PCDHA1: variants seen among roughly 807,000 people sequenced by gnomAD.
The protein encoded by PCDHA1 is protocadherin alpha 1, also known as protocadherin alpha-1.
PCDHA1 carries 42 observed loss-of-function variants against 61.3 expected under a neutral mutation model. That is an observed-to-expected ratio of 0.69 (90% confidence interval 0.54 to 0.89). The LOEUF is 0.89. PCDHA1 is among the 40% of genes least tolerant of loss of function. PCDHA1 has a pLI of 0.00. For synonymous variants in PCDHA1, 610 were observed against 553.8 expected, an observed-to-expected ratio of 1.10 and a Z score of -1.43; for missense variants, 1,256 against 1,235.3, an observed-to-expected ratio of 1.02 and a Z score of -0.25.
intron 3 of PCDHA1, among the ~76,000 whole-genome samples, chr5:141,000,094 C>G (rs782020096): frequency 1.3e-5 from 2 of 152,128 alleles, no homozygotes; most frequent in Non-Finnish European, 2.9e-5. Flanking sequence ...GTGAATGGAG[C>G]TCAACTCCGT....
chr5:140,883,580 AC>A, intron 1 of PCDHA1: 1 of 1,613,994 alleles, frequency 6.2e-7, no homozygotes. Flanking sequence ...GCTGTGGGCC[AC>A]GGCCAGCGTG....
chr5:140,878,583 T>C (rs1355382396), intron 1 of PCDHA1, among the ~76,000 whole-genome samples: 1 of 152,236 alleles, frequency 6.6e-6, no homozygotes, highest in African/African-American at 2.4e-5. Context: ...CACTGCCCTG[T>C]GCCTATTACC....
chr5:140,915,458 G>T (rs1172885235), intron 1 of PCDHA1, among the ~76,000 whole-genome samples: 11 of 152,126 alleles, frequency 7.2e-5, no homozygotes, highest in African/African-American at 2.2e-4. Flanking sequence ...TTTCCAGAAG[G>T]TTTTTATTTG....
At chr5:140,898,211 A>G (rs1554187859) in intron 1 of PCDHA1, among the ~76,000 whole-genome samples, 2 of 152,100 alleles carry the variant, frequency 1.3e-5, no homozygotes, top group African/African-American at 4.8e-5. Context: ...CCATTTGTCA[A>G]TTTTGGCTTT....
intron 1 of PCDHA1, chr5:140,801,196 C>G (rs782169201): frequency 6.3e-7 from 1 of 1,589,684 alleles, no homozygotes; most frequent in South Asian, 1.1e-5. Flanking sequence ...AAAATACTTG[C>G]AATGTTGTTC....
intron 1 of PCDHA1, among the ~76,000 whole-genome samples, chr5:140,956,797 G>T (rs1224324866): frequency 6.6e-6 from 1 of 152,040 alleles, no homozygotes; most frequent in Non-Finnish European, 1.5e-5. Flanking sequence ...TGCTTGGTGG[G>T]CTATTTATTA....
At chr5:140,820,411 T>G (rs72800974) in intron 1 of PCDHA1, among the ~76,000 whole-genome samples, 2 of 151,990 alleles carry the variant, frequency 1.3e-5, no homozygotes, top group Non-Finnish European at 2.9e-5. Context: ...ATTTTAAATG[T>G]AAAAGTATCC....
chr5:140,901,213 G>A (rs2068513524), intron 1 of PCDHA1, among the ~76,000 whole-genome samples: 1 of 152,040 alleles, frequency 6.6e-6, no homozygotes, highest in Non-Finnish European at 1.5e-5. Flanking sequence ...TTTTTAAGTT[G>A]ATGTGATCCC....
intron 1 of PCDHA1, chr5:140,836,241 A>C: frequency 6.2e-7 from 1 of 1,613,778 alleles, no homozygotes; most frequent in Non-Finnish European, 8.5e-7. Context: ...CGGTGCGAGC[A>C]TCCCGTTCCG....
intron 1 of PCDHA1, chr5:140,808,887 C>A (rs782248203): frequency 6.2e-7 from 1 of 1,613,290 alleles, no homozygotes; most frequent in South Asian, 1.1e-5. Flanking sequence ...GCACTGCTAG[C>A]GCCTCGGGCG....
At chr5:140,863,428 G>A (rs528139564) in intron 1 of PCDHA1, 7 of 657,564 alleles carry the variant, frequency 1.1e-5, no homozygotes, top group Non-Finnish European at 1.9e-5. Context: ...CAGCGTAGTG[G>A]GATCTGGTCT....
chr5:140,809,413 C>T, intron 1 of PCDHA1: 2 of 1,614,222 alleles, frequency 1.2e-6, no homozygotes, highest in Non-Finnish European at 8.5e-7. Flanking sequence ...TGGTGTGCTC[C>T]AGTGCGGTGG....
At chr5:140,871,422 C>T in intron 1 of PCDHA1, 1 of 1,613,658 alleles carries the variant, frequency 6.2e-7, no homozygotes, top group Non-Finnish European at 8.5e-7. Context: ...CCTTCAGCCC[C>T]AGTCTTCCTC....
intron 1 of PCDHA1, chr5:140,830,430 C>T (rs1483777919): frequency 3.7e-6 from 6 of 1,613,592 alleles, no homozygotes; most frequent in Non-Finnish European, 5.1e-6. Flanking sequence ...TCACCTTGTC[C>T]TATTATGATG....
At chr5:140,851,204 A>T in intron 1 of PCDHA1, 2 of 1,181,712 alleles carry the variant, frequency 1.7e-6, no homozygotes, top group Non-Finnish European at 2.2e-6. Context: ...TTAGTCATTC[A>T]TTAAACATTA....
intron 1 of PCDHA1, among the ~76,000 whole-genome samples, chr5:140,955,549 C>T (rs1216178805): frequency 6.6e-6 from 1 of 152,140 alleles, no homozygotes; most frequent in Non-Finnish European, 1.5e-5. Context: ...TTCTTGAGGC[C>T]TCCCCAGCCA....
intron 1 of PCDHA1, among the ~76,000 whole-genome samples, chr5:140,800,290 C>T (rs1456226549): frequency 3.3e-5 from 5 of 151,896 alleles, no homozygotes; most frequent in African/African-American, 1.2e-4. Context: ...TGTAAAGGAC[C>T]GACTTCTGAA....
At chr5:140,971,844 C>T (rs1209652703) in intron 1 of PCDHA1, among the ~76,000 whole-genome samples, 2 of 151,920 alleles carry the variant, frequency 1.3e-5, no homozygotes, top group African/African-American at 2.4e-5. Flanking sequence ...GCAAGTCATG[C>T]GTTAAATATT....
intron 1 of PCDHA1, chr5:140,830,128 A>C: frequency 6.2e-7 from 1 of 1,613,412 alleles, no homozygotes; most frequent in Non-Finnish European, 8.5e-7. Context: ...CAAAGGCGTC[A>C]TCACGGGCGT....
Sources: allele counts gnomAD v4.1 joint callset (sites outside exome capture counted in the v4.1 genomes callset), GRCh38; gene constraint gnomAD v4.1.1; transcripts MANE v1.5; gene names NCBI Gene and HGNC (gene_info 2026-07-23, HGNC 2026-07-21).